Variants in KLRG1 observed in about 807,000 individuals in gnomAD.
The protein encoded by KLRG1 is killer cell lectin-like receptor subfamily G member 1.
In KLRG1, 16 loss-of-function variants were observed where a neutral mutation model predicts 21.8. That is an observed-to-expected ratio of 0.73 (90% CI 0.50 to 1.11). KLRG1 has a LOEUF of 1.11. Ranked by LOEUF, KLRG1 falls within the 50% of genes most tolerant of loss-of-function variation. The pLI is 0.00. For missense variants in KLRG1, 173 were observed against 218.3 expected (o/e 0.79, Z 1.31); for synonymous variants, 69 against 75.9 (o/e 0.91, Z 0.47).
At chr12:9,092,570 C>T in the KLRG1 span, among the ~76,000 whole-genome samples, 2 of 152,210 alleles carry the variant, frequency 1.3e-5, no homozygotes, top group African/African-American at 4.8e-5. Flanking sequence ...GCCATTCCGG[C>T]TCTTTCTCTC....
At chr12:9,094,878 TTTTG>T in the KLRG1 span, 2 of 607,034 alleles carry the variant, frequency 3.3e-6, no homozygotes, top group South Asian at 7.8e-5. Flanking sequence ...CACATGTCCT[TTTTG>T]TTTGTTAATT....
At chr12:9,068,129 G>A in the KLRG1 span, 28 of 1,585,444 alleles carry the variant, frequency 1.8e-5, no homozygotes, top group Middle Eastern at 1.7e-4. Flanking sequence ...AGAAGGTTTG[G>A]GGGGCAAGCT....
chr12:9,081,427 T>G, the KLRG1 span, among the ~76,000 whole-genome samples: 1 of 152,188 alleles, frequency 6.6e-6, no homozygotes, highest in Non-Finnish European at 1.5e-5. Flanking sequence ...TGTAGTTCAA[T>G]TAAAATTCAG....
intron 1 of KLRG1, among the ~76,000 whole-genome samples, chr12:8,991,139 T>A (rs1946953331): frequency 6.6e-6 from 1 of 152,198 alleles, no homozygotes; most frequent in Admixed American, 6.5e-5. Context: ...AGCAAAGGAA[T>A]CAAAATTAGA....
At chr12:8,961,383 C>A (rs1946378431) in intron 1 of KLRG1, among the ~76,000 whole-genome samples, 1 of 152,060 alleles carries the variant, frequency 6.6e-6, no homozygotes, top group South Asian at 2.1e-4. Flanking sequence ...TAACTGTGTT[C>A]CATAAAAAGA....
the KLRG1 span, among the ~76,000 whole-genome samples, chr12:9,130,650 AT>A: frequency 1.1e-4 from 17 of 150,238 alleles, no homozygotes; most frequent in East Asian, 1.4e-3. Flanking sequence ...TAGTTATTTG[AT>A]TTTTTTTTCA....
the KLRG1 span, among the ~76,000 whole-genome samples, chr12:9,033,803 G>C: frequency 6.6e-6 from 1 of 152,166 alleles, no homozygotes; most frequent in Admixed American, 6.5e-5. Flanking sequence ...GGGTATATGA[G>C]CTCCCCTCAT....
At chr12:9,046,001 G>A in the KLRG1 span, among the ~76,000 whole-genome samples, 12 of 152,150 alleles carry the variant, frequency 7.9e-5, no homozygotes, top group Admixed American at 5.9e-4. Context: ...ACGTGGACAC[G>A]GAGGGGAACG....
the KLRG1 span, among the ~76,000 whole-genome samples, chr12:9,081,002 A>G: frequency 1.5e-4 from 23 of 152,210 alleles, no homozygotes; most frequent in Non-Finnish European, 2.1e-4. Flanking sequence ...TGAATTATAT[A>G]CAAATGAAAA....
the KLRG1 span, among the ~76,000 whole-genome samples, chr12:9,054,691 T>C: frequency 6.6e-6 from 1 of 152,206 alleles, no homozygotes; most frequent in Non-Finnish European, 1.5e-5. Context: ...TTATATTGAT[T>C]AGCCTAGGGT....
the KLRG1 span, among the ~76,000 whole-genome samples, chr12:9,052,384 G>A: frequency 3.4e-4 from 51 of 152,216 alleles, no homozygotes; most frequent in African/African-American, 1.2e-3. Flanking sequence ...AATTCAAATC[G>A]TGAGCAGCAC....
At chr12:9,100,706 G>A in the KLRG1 span, among the ~76,000 whole-genome samples, 3 of 152,136 alleles carry the variant, frequency 2.0e-5, no homozygotes, top group Non-Finnish European at 4.4e-5. Flanking sequence ...AATATTAGAT[G>A]GAAATGGTCT....
At chr12:8,971,738 G>A (rs1946572969) in intron 1 of KLRG1, among the ~76,000 whole-genome samples, 3 of 152,176 alleles carry the variant, frequency 2.0e-5, no homozygotes, top group South Asian at 4.1e-4. Context: ...TGATCCGCCT[G>A]CCTCGGCCTC....
chr12:9,058,186 T>G, the KLRG1 span: 1 of 152,242 alleles, frequency 6.6e-6, no homozygotes, highest in Non-Finnish European at 1.5e-5. Context: ...AGATCTAGAC[T>G]GATAGCATAT....
At chr12:9,206,534 A>G in the KLRG1 span, among the ~76,000 whole-genome samples, 1 of 152,236 alleles carries the variant, frequency 6.6e-6, no homozygotes, top group Non-Finnish European at 1.5e-5. Context: ...GACTAAATGT[A>G]GCAAATATTA....
At chr12:9,207,991 T>C in the KLRG1 span, among the ~76,000 whole-genome samples, 2 of 152,174 alleles carry the variant, frequency 1.3e-5, no homozygotes, top group African/African-American at 4.8e-5. Context: ...AAAAGAACTG[T>C]TCTGTGAAGT....
At chr12:9,023,642 T>TA in the KLRG1 span, among the ~76,000 whole-genome samples, 2 of 151,330 alleles carry the variant, frequency 1.3e-5, no homozygotes, top group South Asian at 2.1e-4. Context: ...ACTGTAGTCT[T>TA]AAACTCCTGG....
chr12:9,111,203 C>T, the KLRG1 span, among the ~76,000 whole-genome samples: 5 of 152,012 alleles, frequency 3.3e-5, no homozygotes, highest in African/African-American at 4.8e-5. Context: ...CCTTCTCATG[C>T]GCTGTGTATC....
chr12:9,014,684 A>C (rs1226476363), downstream of KLRG1, among the ~76,000 whole-genome samples: 1 of 152,174 alleles, frequency 6.6e-6, no homozygotes. Context: ...ACTCACTGGT[A>C]ATAGTAAGTA....
Sources: allele counts gnomAD v4.1 joint callset (sites outside exome capture counted in the v4.1 genomes callset), GRCh38; gene constraint gnomAD v4.1.1; transcripts MANE v1.5; gene names NCBI Gene and HGNC (gene_info 2026-07-23, HGNC 2026-07-21).